SLC8A1: variants seen among roughly 807,000 people sequenced by gnomAD.
The protein encoded by SLC8A1 is sodium/calcium exchanger 1.
In SLC8A1, 18 loss-of-function variants were observed where a neutral mutation model predicts 68.3. That is an observed-to-expected ratio of 0.26 (90% confidence interval 0.18 to 0.39). The LOEUF is 0.39. Among genes scored for constraint, SLC8A1 ranks in the 10% least tolerant of loss-of-function variants. The pLI, the probability that SLC8A1 is intolerant of heterozygous loss-of-function variation, is 1.00. For missense variants in SLC8A1, 985 were observed against 1,156.7 expected (o/e 0.85, Z 2.15); for synonymous variants, 475 against 415.5 (o/e 1.14, Z -1.74).
Position 40,115,550 on chromosome 2 carries a change from C to T in SLC8A1, c.2517G>A (p.Ala839=), listed in dbSNP as rs184171310. Residue 839 remains alanine (A), a synonymous_variant, in exon 8 of 8, where the codon GCG becomes GCA. Transcript: ENST00000406785. ...CACCGATTCCCAGGAAGACATTCAC[C>T]GCGTTGCTGCCCGTGACGTTACCTA... The T allele has an allele frequency of 2.4e-4, 392 of 1,614,058 alleles. No individual in the cohort carries two copies. Among genetic ancestry groups the T allele is most frequent in the Middle Eastern group, 8.3e-4 (5 of 6,046 alleles).
At chr2:40,137,215 C>T (rs936226828) in intron 7 of SLC8A1, among the ~76,000 whole-genome samples, 1 of 152,076 alleles carries the variant, frequency 6.6e-6, no homozygotes, top group African/African-American at 2.4e-5. Flanking sequence ...ACACAGAGGC[C>T]TTTTGGAAGA....
intron 1 of SLC8A1, among the ~76,000 whole-genome samples, chr2:40,485,509 C>T (rs1022655491): frequency 6.6e-5 from 10 of 152,160 alleles, no homozygotes; most frequent in African/African-American, 2.4e-4. Context: ...TACTTTTAAA[C>T]GTCTGGGGAT....
At chr2:40,407,680 C>A (rs1690800956) in intron 2 of SLC8A1, among the ~76,000 whole-genome samples, 1 of 152,160 alleles carries the variant, frequency 6.6e-6, no homozygotes, top group African/African-American at 2.4e-5. Flanking sequence ...CTGTCAATTT[C>A]TTTCCAAAAA....
intron 6 of SLC8A1, among the ~76,000 whole-genome samples, chr2:40,152,271 C>A (rs1460129356): frequency 2.0e-5 from 3 of 152,128 alleles, no homozygotes; most frequent in Non-Finnish European, 4.4e-5. Context: ...GTGCAGCAAA[C>A]AACCTTCCAA....
intron 1 of SLC8A1, among the ~76,000 whole-genome samples, chr2:40,441,724 C>T (rs1700522691): frequency 6.6e-6 from 1 of 151,894 alleles, no homozygotes; most frequent in Non-Finnish European, 1.5e-5. Context: ...ATGCAGAAAA[C>T]TGAAACTGGA....
chr2:40,341,552 G>C (rs994772716), intron 2 of SLC8A1, among the ~76,000 whole-genome samples: 6 of 152,238 alleles, frequency 3.9e-5, no homozygotes, highest in Non-Finnish European at 8.8e-5. Flanking sequence ...TATGCATTAA[G>C]GATCTTTTTG....
intron 1 of SLC8A1, among the ~76,000 whole-genome samples, chr2:40,493,173 T>G (rs1705434198): frequency 6.6e-6 from 1 of 152,028 alleles, no homozygotes; most frequent in South Asian, 2.1e-4. Context: ...CTGTAAAAAA[T>G]GATGAGTTCC....
At chr2:40,479,455 T>A (rs1448528179) in intron 1 of SLC8A1, among the ~76,000 whole-genome samples, 2 of 151,838 alleles carry the variant, frequency 1.3e-5, no homozygotes, top group African/African-American at 4.9e-5. Flanking sequence ...AAAATAAACA[T>A]TTTTTTAAGC....
intron 1 of SLC8A1, among the ~76,000 whole-genome samples, chr2:40,449,599 T>C (rs1046733078): frequency 1.3e-5 from 2 of 152,236 alleles, no homozygotes; most frequent in African/African-American, 4.8e-5. Flanking sequence ...CCCATGCTCT[T>C]TTCTTCCCCT....
intron 2 of SLC8A1, among the ~76,000 whole-genome samples, chr2:40,325,826 T>C (rs1445730793): frequency 2.1e-5 from 3 of 141,726 alleles, no homozygotes; most frequent in African/African-American, 7.9e-5. Flanking sequence ...TGGTGGCAGG[T>C]GCCTGTAGTC....
upstream of SLC8A1, among the ~76,000 whole-genome samples, chr2:40,453,684 A>G (rs544929840): frequency 6.6e-6 from 1 of 152,228 alleles, no homozygotes; most frequent in South Asian, 2.1e-4. Flanking sequence ...CCTATGTGCA[A>G]TGAAGGTTGA....
intron 2 of SLC8A1, among the ~76,000 whole-genome samples, chr2:40,294,081 A>G (rs1422418773): frequency 6.6e-6 from 1 of 152,124 alleles, no homozygotes; most frequent in Non-Finnish European, 1.5e-5. Flanking sequence ...ATTCACCTCA[A>G]ACTGCACTGA....
At chr2:40,460,455 G>A (rs1337280802) in intron 1 of SLC8A1, among the ~76,000 whole-genome samples, 1 of 152,100 alleles carries the variant, frequency 6.6e-6, no homozygotes, top group African/African-American at 2.4e-5. Flanking sequence ...GCTGCAAATA[G>A]GGAGTGACTA....
intron 2 of SLC8A1, among the ~76,000 whole-genome samples, chr2:40,344,185 G>A (rs17025849): frequency 0.017 from 2,553 of 152,248 alleles, 34 homozygotes; most frequent in South Asian, 0.046. Flanking sequence ...TATTCCACTA[G>A]AACTATTTAA....
At chr2:40,259,818 G>A (rs1407175903) in intron 2 of SLC8A1, among the ~76,000 whole-genome samples, 2 of 152,126 alleles carry the variant, frequency 1.3e-5, no homozygotes, top group African/African-American at 4.8e-5. Flanking sequence ...AGTATACCAA[G>A]TAAATAAGCT....
intron 2 of SLC8A1, among the ~76,000 whole-genome samples, chr2:40,377,534 A>G (rs2149533492): frequency 6.6e-6 from 1 of 152,266 alleles, no homozygotes; most frequent in Middle Eastern, 3.4e-3. Flanking sequence ...CTCACTTCTG[A>G]ATTGTGTGCT....
At chr2:40,133,408 GA>G in intron 7 of SLC8A1, among the ~76,000 whole-genome samples, 1 of 146,568 alleles carries the variant, frequency 6.8e-6, no homozygotes, top group African/African-American at 2.6e-5. Flanking sequence ...GGGGGGGGTG[GA>G]AACCAAAACC....
At chr2:40,303,254 A>C (rs903917319) in intron 2 of SLC8A1, among the ~76,000 whole-genome samples, 1 of 152,218 alleles carries the variant, frequency 6.6e-6, no homozygotes, top group African/African-American at 2.4e-5. Context: ...CTGTAGCAGG[A>C]AAGAAGCTTT....
chr2:40,416,945 C>T (rs1302006404), intron 2 of SLC8A1, among the ~76,000 whole-genome samples: 2 of 152,016 alleles, frequency 1.3e-5, no homozygotes, highest in East Asian at 1.9e-4. Flanking sequence ...CATTTTCCCA[C>T]TGGAAAAGGG....
Sources: allele counts gnomAD v4.1 joint callset (sites outside exome capture counted in the v4.1 genomes callset), GRCh38; gene constraint gnomAD v4.1.1; transcripts MANE v1.5; gene names NCBI Gene and HGNC (gene_info 2026-07-23, HGNC 2026-07-21).